SLC38A4: variants seen among roughly 807,000 people sequenced by gnomAD.
The protein encoded by SLC38A4 is sodium-coupled neutral amino acid transporter 4.
A neutral mutation model predicts 63.1 loss-of-function variants in SLC38A4; 20 were observed. The observed-to-expected ratio is 0.32, with a 90% CI of 0.22 to 0.46. The LOEUF is 0.46. Among genes scored for constraint, SLC38A4 ranks in the 20% least tolerant of loss-of-function variants. The pLI is 1.00. For missense variants in SLC38A4, 526 were observed against 663.6 expected (o/e 0.79, Z 2.28); for synonymous variants, 230 against 225.5 (o/e 1.02, Z -0.18).
intron 13 of SLC38A4, among the ~76,000 whole-genome samples, chr12:46,775,658 A>T (rs74084186): frequency 0.015 from 2,289 of 152,070 alleles, 56 homozygotes; most frequent in African/African-American, 0.053. Context: ...CTCCATCACC[A>T]CACTAAAACA....
chr12:46,807,891 C>T (rs1434984503), intron 1 of SLC38A4, among the ~76,000 whole-genome samples: 1 of 14,486 alleles, frequency 6.9e-5, no homozygotes, highest in Non-Finnish European at 1.8e-4. Flanking sequence ...TAAATGTTAC[C>T]CCCCCCCCCA....
intron 1 of SLC38A4, among the ~76,000 whole-genome samples, chr12:46,824,149 G>T (rs1939602639): frequency 6.6e-6 from 1 of 152,148 alleles, no homozygotes; most frequent in Non-Finnish European, 1.5e-5. Flanking sequence ...ATGTGTCTGA[G>T]CATAGATAGG....
chr12:46,765,416 C>T lies in SLC38A4; in HGVS notation c.*1285G>A. 8.8e-6 allele frequency: 3 copies of T among 340,024 alleles called. No individual in the cohort carries two copies. The highest frequency in any genetic ancestry group is 1.7e-5 in the Non-Finnish European group (3 of 178,256). 21.1% of individuals were successfully genotyped at this position (340,024 alleles called of 1,614,324 possible). A position where few individuals can be genotyped will look rare whatever the true frequency, so the allele number is the denominator to read the frequency against. On this transcript the variant is annotated 3_prime_UTR_variant, in exon 17 of 17. Transcript: ENST00000266579. ...TGTGTGAGCTAAACTGAACTAAATC[C>T]TATTTTAGATATGCTAAATTAAAAG... is the stretch of plus-strand genomic sequence containing the variant.
At chr12:46,816,398 T>C (rs528708283) in intron 1 of SLC38A4, among the ~76,000 whole-genome samples, 1 of 152,056 alleles carries the variant, frequency 6.6e-6, no homozygotes, top group African/African-American at 2.4e-5. Context: ...TACATAAATA[T>C]AATGTCTTTG....
chr12:46,830,014 G>A (rs1477763894), upstream of SLC38A4, among the ~76,000 whole-genome samples: 1 of 152,044 alleles, frequency 6.6e-6, no homozygotes, highest in Non-Finnish European at 1.5e-5. Flanking sequence ...TGTGTGAGCC[G>A]GAATTACCAT....
chr12:46,780,556 T>C (rs1368797743), intron 7 of SLC38A4, among the ~76,000 whole-genome samples: 1 of 151,818 alleles, frequency 6.6e-6, no homozygotes, highest in Non-Finnish European at 1.5e-5. Context: ...CCTGGATTGA[T>C]AAAAGAATAC....
In SLC38A4 at chr12:46,797,263, A is replaced by C. The variant is rs1939029652; in HGVS notation, c.-112-4080T>G. 2.0e-5 allele frequency among the ~76,000 whole-genome samples: 3 copies of C among 152,116 alleles called. No homozygotes were observed. The South Asian group carries it at 6.2e-4, about 32-fold the overall frequency. ...GTGTCTGTGAGGGTGTTTCTGGAAA[A>C]GATTACCATTTGAATCAATAGACTG... On this transcript the variant is annotated intron_variant, in intron 2 of 16. Coordinates refer to ENST00000266579, the MANE Select transcript of SLC38A4 (RefSeq NM_018018.5).
At chr12:46,804,924 T>C (rs1345750010) in intron 1 of SLC38A4, among the ~76,000 whole-genome samples, 1 of 152,006 alleles carries the variant, frequency 6.6e-6, no homozygotes. Context: ...AATAGTGATG[T>C]TTCCAATTTA....
chr12:46,777,586 G>A (rs937555853), intron 12 of SLC38A4, among the ~76,000 whole-genome samples: 2 of 151,964 alleles, frequency 1.3e-5, no homozygotes, highest in Non-Finnish European at 2.9e-5. Flanking sequence ...GGAAAGTTTT[G>A]CTATTTAGTG....
At chr12:46,808,862 T>C (rs1189693973) in intron 1 of SLC38A4, among the ~76,000 whole-genome samples, 1 of 152,096 alleles carries the variant, frequency 6.6e-6, no homozygotes, top group Non-Finnish European at 1.5e-5. Context: ...ATAATAAGTA[T>C]AACAATACTT....
intron 7 of SLC38A4, among the ~76,000 whole-genome samples, chr12:46,781,082 G>A (rs570641992): frequency 6.6e-6 from 1 of 152,020 alleles, no homozygotes; most frequent in African/African-American, 2.4e-5. Flanking sequence ...CCCCACATTG[G>A]TTAGTTCTGC....
At chr12:46,807,361 C>A (rs1007739137) in intron 1 of SLC38A4, among the ~76,000 whole-genome samples, 2 of 151,720 alleles carry the variant, frequency 1.3e-5, no homozygotes, top group African/African-American at 4.8e-5. Context: ...TACCTTTTAC[C>A]GTAGATTCAT....
At chr12:46,829,535 C>T (rs576108606), upstream of SLC38A4, among the ~76,000 whole-genome samples, 7 of 151,772 alleles carry the variant, frequency 4.6e-5, no homozygotes, top group East Asian at 1.9e-4. Flanking sequence ...GTGTACATCA[C>T]GAAGTCCACA....
At chr12:46,769,918 G>T (rs2120739032) in intron 14 of SLC38A4, among the ~76,000 whole-genome samples, 1 of 152,170 alleles carries the variant, frequency 6.6e-6, no homozygotes, top group South Asian at 2.1e-4. Flanking sequence ...ATTGCCTAAA[G>T]ATGCATTTCT....
At chr12:46,772,304 G>T (rs1938434925) in intron 14 of SLC38A4, among the ~76,000 whole-genome samples, 1 of 152,016 alleles carries the variant, frequency 6.6e-6, no homozygotes, top group African/African-American at 2.4e-5. Context: ...CAAAACAGGA[G>T]ATCTGAAGGC....
At chr12:46,778,815 T>G in intron 10 of SLC38A4, 39 bp from the exon 11 acceptor site, 1 of 1,585,312 alleles carries the variant, frequency 6.3e-7, no homozygotes, top group Non-Finnish European at 8.6e-7. Flanking sequence ...AAATCAGCTT[T>G]TTGAGAAAAA....
intron 12 of SLC38A4, among the ~76,000 whole-genome samples, chr12:46,777,570 T>G (rs981555705): frequency 2.0e-5 from 3 of 152,026 alleles, no homozygotes; most frequent in Admixed American, 6.6e-5. Context: ...AAATCAGAAT[T>G]TATGGGGAAA....
intron 2 of SLC38A4, among the ~76,000 whole-genome samples, chr12:46,797,464 C>T (rs1939037007): frequency 6.6e-6 from 1 of 152,090 alleles, no homozygotes; most frequent in African/African-American, 2.4e-5. Flanking sequence ...TCCCAGACCT[C>T]GTAATTCTGA....
chr12:46,768,215 ATTGAT>A, intron 16 of SLC38A4, 90 bp downstream of exon 16: 1 of 909,352 alleles, frequency 1.1e-6, no homozygotes, highest in Non-Finnish European at 1.6e-6. Flanking sequence ...GTTCTTGTAC[ATTGAT>A]TCATTTTTCT....
Sources: gnomAD v4.1 joint callset for allele counts (sites outside exome capture counted in the v4.1 genomes callset) on GRCh38, gnomAD v4.1.1 for gene constraint, MANE v1.5 for transcripts, NCBI Gene and HGNC (gene_info 2026-07-23, HGNC 2026-07-21) for gene names.